Variants in INPP4B observed in about 807,000 individuals in gnomAD.
INPP4B encodes the protein inositol polyphosphate-4-phosphatase type II B.
INPP4B carries 55 observed loss-of-function variants against 122.5 expected under a neutral mutation model. That is an observed-to-expected ratio of 0.45 (90% CI 0.36 to 0.56). The LOEUF is 0.56. Ranked by LOEUF, INPP4B falls within the 20% of genes least tolerant of loss-of-function variation. INPP4B has a pLI of 0.00. For missense variants in INPP4B, 1,000 were observed against 1,097.7 expected (o/e 0.91, Z 1.26); for synonymous variants, 403 against 388.7 (o/e 1.04, Z -0.43).
chr4:142,082,006 A>AG, intron 25 of INPP4B, 25 bp downstream of exon 25: 2 of 1,411,712 alleles, frequency 1.4e-6, no homozygotes, highest in Middle Eastern at 3.8e-4. Context: ...TTAAAAGAAA[A>AG]AAACTTGAAA....
chr4:142,830,523 G>A (rs943741987), intron 1 of INPP4B, among the ~76,000 whole-genome samples: 3 of 152,072 alleles, frequency 2.0e-5, no homozygotes, highest in Non-Finnish European at 4.4e-5. Flanking sequence ...TGGAGAGGGA[G>A]TCTTAATCTT....
At chr4:142,713,663 C>T (rs56258617) in intron 2 of INPP4B, among the ~76,000 whole-genome samples, 7,478 of 152,266 alleles carry the variant, frequency 0.049, 242 homozygotes, top group African/African-American at 0.083. Context: ...TCCAGAAACA[C>T]AGCTTTGAAA....
intron 7 of INPP4B, among the ~76,000 whole-genome samples, chr4:142,373,809 G>T (rs1204045805): frequency 1.3e-5 from 2 of 151,900 alleles, no homozygotes; most frequent in African/African-American, 4.8e-5. Flanking sequence ...TATATTCCCA[G>T]TTGAGAGCTT....
intron 2 of INPP4B, among the ~76,000 whole-genome samples, chr4:142,650,853 G>A (rs1752802409): frequency 6.6e-6 from 1 of 152,146 alleles, no homozygotes; most frequent in Non-Finnish European, 1.5e-5. Context: ...CTTGAACACA[G>A]CTCTGGATCA....
In INPP4B at chr4:142,270,767, CT is replaced by C; in HGVS notation, c.510del (p.Asp171MetfsTer9). ...EQLLVLSLRT[S>X]DGGKVVGTIE... The stretch of plus-strand genomic sequence containing the variant: ...ATGGTGCCAACCACTTTGCCACCAT[CT>C]GAAGTTCTGCAACAAAAAATACACG... On this transcript the variant is annotated frameshift_variant, in exon 10 of 26. Transcript: ENST00000262992. LOFTEE classifies it high-confidence loss of function. 6.2e-7 allele frequency: 1 copy of C among 1,609,678 alleles called. No homozygotes were observed. The highest frequency in any genetic ancestry group is 8.5e-7 in the Non-Finnish European group (1 of 1,176,024).
At chr4:142,624,886 G>A (rs1169028238) in intron 2 of INPP4B, among the ~76,000 whole-genome samples, 1 of 151,988 alleles carries the variant, frequency 6.6e-6, no homozygotes, top group African/African-American at 2.4e-5. Context: ...AAAACCACAT[G>A]ATTATCTCAA....
intron 7 of INPP4B, among the ~76,000 whole-genome samples, chr4:142,372,277 G>A (rs1790220886): frequency 2.0e-5 from 3 of 152,036 alleles, no homozygotes; most frequent in Non-Finnish European, 4.4e-5. Context: ...CAGAGTCTGG[G>A]AAGGGGAGAT....
chr4:142,821,580 T>A (rs1236482494), intron 1 of INPP4B, among the ~76,000 whole-genome samples: 2 of 152,210 alleles, frequency 1.3e-5, no homozygotes, highest in African/African-American at 2.4e-5. Context: ...TTATTTAACA[T>A]ATTTTTATTT....
intron 1 of INPP4B, among the ~76,000 whole-genome samples, chr4:142,730,432 C>A (rs1368111228): frequency 6.6e-6 from 1 of 152,164 alleles, no homozygotes; most frequent in African/African-American, 2.4e-5. Context: ...TCAATATAAT[C>A]TCTGTTATTC....
chr4:142,650,193 C>A (rs1339970320), intron 2 of INPP4B, among the ~76,000 whole-genome samples: 3 of 151,972 alleles, frequency 2.0e-5, no homozygotes, highest in African/African-American at 7.3e-5. Context: ...ACCAGGCCTG[C>A]CTTGCAAGAG....
At chr4:142,423,847 T>G in intron 5 of INPP4B, 1 of 438,354 alleles carries the variant, frequency 2.3e-6, no homozygotes, top group South Asian at 1.7e-5. Context: ...TATGTATTTT[T>G]TATGTACTTA....
rs982603406 is a variant in INPP4B at position 142,342,045 on chromosome 4, A to G, written c.373-27283T>C. ...AGAGAAGCTGTGAGGTAATACATAT[A>G]TGTTGTGTTAAGCTACTAAATTTGT... On this transcript the variant is annotated intron_variant, in intron 7 of 25. Coordinates refer to ENST00000262992, the MANE Select transcript of INPP4B (RefSeq NM_001101669.3). Among the ~76,000 whole-genome samples, 7 of 152,146 alleles carry G rather than the reference A, an allele frequency of 4.6e-5. No individual in the cohort carries two copies. The East Asian group carries it at 7.7e-4, about 17-fold the overall frequency.
At chr4:142,209,814 A>G (rs1380316588) in intron 12 of INPP4B, among the ~76,000 whole-genome samples, 2 of 151,076 alleles carry the variant, frequency 1.3e-5, no homozygotes, top group African/African-American at 2.4e-5. Flanking sequence ...AAAAAAAAAA[A>G]AAAGCCCAGA....
intron 7 of INPP4B, among the ~76,000 whole-genome samples, chr4:142,318,247 A>C (rs1002956094): frequency 1.3e-5 from 2 of 152,202 alleles, no homozygotes; most frequent in African/African-American, 4.8e-5. Context: ...TGAAGAGGAA[A>C]GAGGGGAGGA....
At position 142,023,382 on chromosome 4, in the gene INPP4B, A is replaced by G. The variant is rs973306455; in HGVS notation, c.*5400T>C. On this transcript the variant is annotated 3_prime_UTR_variant, in exon 26 of 26. Coordinates refer to ENST00000262992, the MANE Select transcript of INPP4B (RefSeq NM_001101669.3). Reference sequence around the variant, plus strand: ...TGCCAACCTTTCAGATGAGTACCACAAAAACCTAAAAGTTAAATGTTAGAT... The same window carrying G: ...TGCCAACCTTTCAGATGAGTACCACGAAAACCTAAAAGTTAAATGTTAGAT... The G allele has an allele frequency of 3.3e-5, 5 of 152,228 alleles. No individual in the cohort carries two copies. Among genetic ancestry groups the G allele is most frequent in the African/African-American group, 1.2e-4 (5 of 41,472 alleles). 9.4% of individuals were successfully genotyped at this position (152,228 alleles called of 1,614,324 possible).
intron 1 of INPP4B, among the ~76,000 whole-genome samples, chr4:142,736,410 T>C (rs1766902923): frequency 6.6e-6 from 1 of 152,192 alleles, no homozygotes; most frequent in Admixed American, 6.5e-5. Flanking sequence ...CCTGGAATAT[T>C]ATTTAATTTT....
At chr4:142,615,265 G>GAGGAGGTTTTATACATTTTAGAAAGGA (rs1743454870) in intron 2 of INPP4B, among the ~76,000 whole-genome samples, 2 of 152,140 alleles carry the variant, frequency 1.3e-5, no homozygotes, top group African/African-American at 4.8e-5. Flanking sequence ...TTTAGAAAGG[G>GAGGAGGTTTTATACATTTTAGAAAGGA]AGGAGGTTTT....
At chr4:142,570,740 A>T (rs1732623018) in intron 2 of INPP4B, among the ~76,000 whole-genome samples, 1 of 152,036 alleles carries the variant, frequency 6.6e-6, no homozygotes, top group African/African-American at 2.4e-5. Context: ...ACTCGGAATC[A>T]TAGATTTCAC....
intron 23 of INPP4B, among the ~76,000 whole-genome samples, chr4:142,091,083 G>A (rs966126024): frequency 3.9e-5 from 6 of 152,124 alleles, no homozygotes; most frequent in African/African-American, 1.4e-4. Context: ...CTCATAGGAG[G>A]GGAGGATTAA....
Sources: gnomAD v4.1 joint callset for allele counts (sites outside exome capture counted in the v4.1 genomes callset) on GRCh38, gnomAD v4.1.1 for gene constraint, MANE v1.5 for transcripts, NCBI Gene and HGNC (gene_info 2026-07-23, HGNC 2026-07-21) for gene names.